Variants in NOX5 observed in about 807,000 individuals in gnomAD.
NOX5 encodes the protein NADPH oxidase, EF-hand calcium binding domain 5.
A neutral mutation model predicts 85.7 loss-of-function variants in NOX5; 76 were observed. That is an observed-to-expected ratio of 0.89 (90% CI 0.74 to 1.07). The LOEUF is 1.07. Ranked by LOEUF, NOX5 falls within the 50% of genes least tolerant of loss-of-function variation. The pLI is 0.00. For missense variants in NOX5, 973 were observed against 999.5 expected, an observed-to-expected ratio of 0.97 and a Z score of 0.36; for synonymous variants, 405 against 401.4, an observed-to-expected ratio of 1.01 and a Z score of -0.11.
rs1555437242 is a variant in NOX5, at chr15:69,045,568, C to CT, written c.1648-1252dup. Among the ~76,000 whole-genome samples the CT allele has an allele frequency of 7.9e-4, 38 of 48,378 alleles. 1 individual carries two copies. Among genetic ancestry groups the CT allele is most frequent in the Middle Eastern group, 0.011 (1 of 90 alleles). The allele number at this position is 48,378 out of a possible 152,430, so 31.7% of individuals were successfully genotyped here. On this transcript the variant is annotated intron_variant, in intron 10 of 15. Coordinates refer to ENST00000388866, the MANE Select transcript of NOX5 (RefSeq NM_024505.4). The stretch of plus-strand genomic sequence containing the variant: ...TCTTTCTTTCTTTCTTTCTTTCTTT[C>CT]TTCCCTTTCTTTCTTTTCTTTCTTT...
At position 69,035,496 on chromosome 15, in the gene NOX5, C is replaced by G. The variant is rs984450914; in HGVS notation, c.998C>G (p.Thr333Ser). Residue 333 changes from threonine (T) to serine (S), a missense_variant, in exon 6 of 16, where the codon ACT (threonine) becomes AGT (serine). Coordinates refer to ENST00000388866, the MANE Select transcript of NOX5 (RefSeq NM_024505.4). ...GLSLVHTVAHTVNFVLQAQAE... is the reference protein window; with the variant it reads ...GLSLVHTVAHSVNFVLQAQAE... ...TCCCTCGTGCACACCGTGGCTCACACTGTGAACTTTGGTGAGTGATCTGGG... is the reference window on the plus strand; with the variant it reads ...TCCCTCGTGCACACCGTGGCTCACAGTGTGAACTTTGGTGAGTGATCTGGG... 2 of 1,614,164 alleles carry G rather than the reference C, an allele frequency of 1.2e-6. No individual in the cohort carries two copies. The highest frequency in any genetic ancestry group is 8.5e-7 in the Non-Finnish European group (1 of 1,179,992).
intron 4 of NOX5, 34 bp downstream of exon 4, chr15:69,031,846 C>T: frequency 1.3e-6 from 2 of 1,564,788 alleles, no homozygotes; most frequent in South Asian, 1.2e-5. Flanking sequence ...GCACTGTCCA[C>T]GGCGGCGTTA....
At chr15:69,053,641 G>A (rs1377089382) in intron 14 of NOX5, among the ~76,000 whole-genome samples, 1 of 152,048 alleles carries the variant, frequency 6.6e-6, no homozygotes, top group Non-Finnish European at 1.5e-5. Context: ...CCTTGCTTTG[G>A]ATGATTTTCT....
chr15:69,052,382 C>T (rs2050760149), intron 14 of NOX5, among the ~76,000 whole-genome samples: 1 of 152,192 alleles, frequency 6.6e-6, no homozygotes, highest in Non-Finnish European at 1.5e-5. Flanking sequence ...TCATAGTCTT[C>T]ATGGGACATC....
rs751087415 is a variant in NOX5 at position 69,046,820 on chromosome 15, A to G, written c.1648-2A>G. ...CATAACTCTCTGCTCTACTCCCTGCAGGGCTCTGAGATACTTTTGGAGAAA... is the reference window on the plus strand; with the variant it reads ...CATAACTCTCTGCTCTACTCCCTGCGGGGCTCTGAGATACTTTTGGAGAAA... On this transcript the variant is annotated splice_acceptor_variant, in intron 10 of 15. Coordinates refer to ENST00000388866, the MANE Select transcript of NOX5 (RefSeq NM_024505.4). LOFTEE classifies it high-confidence loss of function. 1.9e-6 allele frequency: 3 copies of G among 1,613,730 alleles called. No individual in the cohort carries two copies. The South Asian group carries it at 3.3e-5, about 18-fold the overall frequency.
At position 69,061,759 on chromosome 15, in the gene NOX5, G is replaced by A. The variant is rs1217486856; in HGVS notation, c.*5063G>A. 1 of 152,184 alleles carries A rather than the reference G, an allele frequency of 6.6e-6. No homozygotes were observed. The highest frequency in any genetic ancestry group is 1.5e-5 in the Non-Finnish European group (1 of 68,044). The allele number at this position is 152,184 out of a possible 1,614,324, so 9.4% of individuals were successfully genotyped here. The stretch of plus-strand genomic sequence containing the variant: ...AAGGGCTGCCCTAATACTACTCAGG[G>A]ACAAATGGGCCCTCTTAAACTACCC... On this transcript the variant is annotated 3_prime_UTR_variant, in exon 16 of 16. Coordinates refer to ENST00000388866, the MANE Select transcript of NOX5 (RefSeq NM_024505.4).
intron 10 of NOX5, among the ~76,000 whole-genome samples, chr15:69,044,182 TA>T (rs538980190): frequency 0.027 from 3,565 of 133,722 alleles, 30 homozygotes; most frequent in African/African-American, 0.04. Flanking sequence ...AGGCTCCAAC[TA>T]AAAAAAAAAA....
In NOX5 at chr15:69,031,535, G is replaced by A. The variant is rs764166594; in HGVS notation, c.343G>A (p.Ala115Thr). The change falls in exon 4 of 16, where the codon GCG becomes ACG. Residue 115 changes from alanine to threonine, a missense_variant. Coordinates refer to ENST00000388866, the MANE Select transcript of NOX5 (RefSeq NM_024505.4). The stretch of plus-strand genomic sequence containing the variant: ...TCTTGCAGTGTGTGCACGGCAGGGG[G>A]CGTCTGCAGGTACAGAGTGGGGTGC... ...YDIDVCARQGASAGTEWGAGA... is the reference protein window; with the variant it reads ...YDIDVCARQGTSAGTEWGAGA... 2.5e-6 allele frequency: 4 copies of A among 1,609,248 alleles called. No homozygotes were observed. Among genetic ancestry groups the A allele is most frequent in the South Asian group, 2.2e-5 (2 of 91,034 alleles).
intron 9 of NOX5, among the ~76,000 whole-genome samples, chr15:69,041,844 A>C (rs1420141874): frequency 1.3e-5 from 2 of 152,092 alleles, no homozygotes; most frequent in Non-Finnish European, 2.9e-5. Context: ...CTTTCTTAAA[A>C]CATGATGAGA....
chr15:69,044,983 A>G (rs1414975283), intron 10 of NOX5, among the ~76,000 whole-genome samples: 1 of 150,390 alleles, frequency 6.6e-6, no homozygotes, highest in African/African-American at 2.5e-5. Flanking sequence ...CAGGACGAAG[A>G]CCTGGTGTAC....
At chr15:69,049,742 C>G (rs150965869) in intron 14 of NOX5, among the ~76,000 whole-genome samples, 40 of 152,254 alleles carry the variant, frequency 2.6e-4, no homozygotes, top group South Asian at 4.1e-4. Context: ...GATAGATTCT[C>G]TGAGAGTCAG....
chr15:69,026,689 G>A lies in NOX5; in HGVS notation c.174+38G>A, dbSNP rs374141018. 63 of 1,613,072 alleles carry A rather than the reference G, an allele frequency of 3.9e-5. 1 individual carries two copies. In the Admixed American group the frequency reaches 6.2e-4, roughly 16 times the overall value. On this transcript the variant is annotated intron_variant, in intron 2 of 15. Transcript: ENST00000388866. ...CCAAGGTGGAAGCCCTGCATTTATC[G>A]TTATGTGGCCTGGTTCTCAGGGCAT...
At chr15:69,035,688 A>G in intron 6 of NOX5, 70 bp from the exon 7 acceptor site, 2 of 1,582,128 alleles carry the variant, frequency 1.3e-6, no homozygotes, top group South Asian at 2.3e-5. Context: ...CAGGGTGGGG[A>G]TCCCAATGGG....
Position 69,056,750 on chromosome 15 carries a change from A to G in NOX5, c.*54A>G, listed in dbSNP as rs534362340. 8 of 1,592,630 alleles carry G rather than the reference A, an allele frequency of 5.0e-6. No homozygotes were observed. Among genetic ancestry groups the G allele is most frequent in the East Asian group, 4.5e-5 (2 of 44,746 alleles). On this transcript the variant is annotated 3_prime_UTR_variant, in exon 16 of 16. Transcript: ENST00000388866. ...CCACACCATGGGTCTGCTTCATTGC[A>G]TTAGTATAAATGCCCCCACAGGGAC...
chr15:69,048,794 A>G (rs1051723809), intron 13 of NOX5, among the ~76,000 whole-genome samples, 165 bp from the exon 14 acceptor site: 3 of 152,176 alleles, frequency 2.0e-5, no homozygotes, highest in African/African-American at 7.2e-5. Flanking sequence ...TGATCTGGGC[A>G]TGGCTGCTCA....
intron 3 of NOX5, 160 bp downstream of exon 3, chr15:69,028,525 A>C (rs1159734861): frequency 1.8e-6 from 1 of 553,500 alleles, no homozygotes; most frequent in Non-Finnish European, 3.0e-6. Flanking sequence ...CTTTCCTCAC[A>C]TCTCTCTCCC....
intron 3 of NOX5, chr15:69,030,429 T>A (rs1369583133): frequency 6.6e-6 from 1 of 152,194 alleles, no homozygotes; most frequent in Non-Finnish European, 1.5e-5. Context: ...GGATGGGATA[T>A]TCTTAGAGTC....
In NOX5 at chr15:69,055,484, G is replaced by A. The variant is rs527628160; in HGVS notation, c.2150G>A (p.Arg717Gln). 5.6e-6 allele frequency: 9 copies of A among 1,613,948 alleles called. No individual in the cohort carries two copies. Among genetic ancestry groups the A allele is most frequent in the East Asian group, 4.5e-5 (2 of 44,874 alleles). The change falls in exon 15 of 16, where the codon CGG (arginine) becomes CAG (glutamine). Residue 717 changes from arginine to glutamine, a missense_variant. Coordinates refer to ENST00000388866, the MANE Select transcript of NOX5 (RefSeq NM_024505.4). ...TGLQTRTQPG[R>Q]PDWSKVFQKV... ...CTGCAGACGCGCACCCAGCCTGGGC[G>A]GCCTGACTGGAGCAAGGTAATGCCA... is the stretch of plus-strand genomic sequence containing the variant.
rs1373984633 is a variant in NOX5 at position 69,028,064 on chromosome 15, T to C, written c.175-151T>C. On this transcript the variant is annotated intron_variant, in intron 2 of 15. Coordinates refer to ENST00000388866, the MANE Select transcript of NOX5 (RefSeq NM_024505.4). Reference sequence around the variant, plus strand: ...GGTCTTCCATTAGAGCAGATCACGATGGGTGTTCAGGCACCTGAGTTCTGC... The same window carrying C: ...GGTCTTCCATTAGAGCAGATCACGACGGGTGTTCAGGCACCTGAGTTCTGC... 2.0e-5 allele frequency: 16 copies of C among 780,904 alleles called. No individual in the cohort carries two copies. The South Asian group carries it at 2.8e-4, about 14-fold the overall frequency. 48.4% of individuals were successfully genotyped at this position (780,904 alleles called of 1,614,324 possible). A position where few individuals can be genotyped will look rare whatever the true frequency, so the allele number is the denominator to read the frequency against.
Sources: allele counts gnomAD v4.1 joint callset (sites outside exome capture counted in the v4.1 genomes callset), GRCh38; gene constraint gnomAD v4.1.1; transcripts MANE v1.5; gene names NCBI Gene and HGNC (gene_info 2026-07-23, HGNC 2026-07-21).